The following PBX1 variants were observed in gnomAD, a reference collection of about 807,000 sequenced individuals.
PBX1 encodes the protein PBX homeobox 1.
In PBX1, 6 loss-of-function variants were observed where a neutral mutation model predicts 53.4. The observed-to-expected ratio is 0.11, with a 90% CI of 0.06 to 0.22. The LOEUF is 0.22. PBX1 is among the 10% of genes least tolerant of loss of function. PBX1 has a pLI of 1.00. For synonymous variants in PBX1, 204 were observed against 212.3 expected, an observed-to-expected ratio of 0.96 and a Z score of 0.34; for missense variants, 251 against 551.4, an observed-to-expected ratio of 0.46 and a Z score of 5.46.
chr1:164,796,876 G>A (rs1213764096), intron 3 of PBX1, among the ~76,000 whole-genome samples: 1 of 152,234 alleles, frequency 6.6e-6, no homozygotes, highest in African/African-American at 2.4e-5. Flanking sequence ...GTAACCCCAA[G>A]TATTCACATT....
chr1:164,726,692 C>G (rs950403623), intron 2 of PBX1, among the ~76,000 whole-genome samples: 1 of 152,104 alleles, frequency 6.6e-6, no homozygotes. Context: ...TAAGTATTTC[C>G]TATAACCTAT....
chr1:164,666,999 C>T (rs1042650156), intron 2 of PBX1, among the ~76,000 whole-genome samples: 3 of 152,146 alleles, frequency 2.0e-5, no homozygotes, highest in Admixed American at 6.5e-5. Flanking sequence ...GATTTGAACC[C>T]GAATTTGCTG....
chr1:164,679,532 C>G (rs1346129514), intron 2 of PBX1, among the ~76,000 whole-genome samples: 1 of 152,164 alleles, frequency 6.6e-6, no homozygotes, highest in Non-Finnish European at 1.5e-5. Context: ...AGACCCCTTT[C>G]GTTTGACCTT....
At chr1:164,638,655 C>T (rs538829839) in intron 2 of PBX1, among the ~76,000 whole-genome samples, 3 of 152,248 alleles carry the variant, frequency 2.0e-5, no homozygotes, top group South Asian at 2.1e-4. Flanking sequence ...TCTTTGAGGC[C>T]GGAGGAACAA....
At chr1:164,821,177 T>C (rs1177398256) in intron 7 of PBX1, among the ~76,000 whole-genome samples, 1 of 152,194 alleles carries the variant, frequency 6.6e-6, no homozygotes, top group African/African-American at 2.4e-5. Flanking sequence ...AACAGCTGTA[T>C]AGGATGACCT....
At chr1:164,602,719 A>T (rs1190343148) in intron 2 of PBX1, among the ~76,000 whole-genome samples, 2 of 152,004 alleles carry the variant, frequency 1.3e-5, no homozygotes, top group Non-Finnish European at 2.9e-5. Context: ...GAAAAAAAAA[A>T]AAAAAATGGG....
intron 2 of PBX1, among the ~76,000 whole-genome samples, chr1:164,698,236 TC>T (rs1330312984): frequency 5.9e-5 from 9 of 152,126 alleles, no homozygotes; most frequent in African/African-American, 2.2e-4. Flanking sequence ...AGAGCAAGAC[TC>T]CTACCTCTGA....
chr1:164,563,474 A>G (rs1174743821), intron 2 of PBX1, among the ~76,000 whole-genome samples, 163 bp downstream of exon 2: 2 of 152,138 alleles, frequency 1.3e-5, no homozygotes, highest in African/African-American at 4.8e-5. Context: ...TTCCTTAAAA[A>G]AAAGAATCAA....
In PBX1 at chr1:164,849,698, C is replaced by A; in HGVS notation, c.*3022C>A. On this transcript the variant is annotated 3_prime_UTR_variant, in exon 9 of 9. Transcript: ENST00000420696. ...TCCTCCCTCTGGCATGGAATTGACGCCCGTGCAGTACATTTGCCAAGTGGC... is the reference window on the plus strand; with the variant it reads ...TCCTCCCTCTGGCATGGAATTGACGACCGTGCAGTACATTTGCCAAGTGGC... 2.9e-6 allele frequency: 1 copy of A among 346,794 alleles called. No homozygotes were observed. The highest frequency in any genetic ancestry group is 5.3e-6 in the Non-Finnish European group (1 of 189,442). 21.5% of individuals were successfully genotyped at this position (346,794 alleles called of 1,614,324 possible). A position where few individuals can be genotyped will look rare whatever the true frequency, so the allele number is the denominator to read the frequency against.
At chr1:164,668,014 A>AGATCTCTCCCT (rs1660905395) in intron 2 of PBX1, among the ~76,000 whole-genome samples, 1 of 152,144 alleles carries the variant, frequency 6.6e-6, no homozygotes, top group East Asian at 1.9e-4. Flanking sequence ...TGCTATTTGC[A>AGATCTCTCCCT]GATCTCTCCC....
At chr1:164,647,162 T>C (rs1659504027) in intron 2 of PBX1, among the ~76,000 whole-genome samples, 1 of 152,224 alleles carries the variant, frequency 6.6e-6, no homozygotes, top group South Asian at 2.1e-4. Context: ...ATGCCTAGTA[T>C]GAATTATTTA....
At chr1:164,718,013 A>G (rs1055988984) in intron 2 of PBX1, among the ~76,000 whole-genome samples, 1 of 152,258 alleles carries the variant, frequency 6.6e-6, no homozygotes, top group Admixed American at 6.5e-5. Flanking sequence ...AAATGACATT[A>G]TCCCCATTTG....
At chr1:164,814,215 A>C (rs1669762153) in intron 6 of PBX1, 2 of 152,252 alleles carry the variant, frequency 1.3e-5, no homozygotes, top group Admixed American at 1.3e-4. Flanking sequence ...TAAAATGTTC[A>C]AACTTTTCAC....
At chr1:164,704,073 A>C (rs2102056465) in intron 2 of PBX1, among the ~76,000 whole-genome samples, 1 of 152,272 alleles carries the variant, frequency 6.6e-6, no homozygotes, top group East Asian at 1.9e-4. Flanking sequence ...GAAATAATTT[A>C]TTCCTGTTAG....
At chr1:164,700,270 C>T (rs1327181002) in intron 2 of PBX1, among the ~76,000 whole-genome samples, 1 of 152,150 alleles carries the variant, frequency 6.6e-6, no homozygotes, top group Non-Finnish European at 1.5e-5. Flanking sequence ...GTATTAGCAG[C>T]CTGTACATCA....
chr1:164,751,791 A>T (rs1666238580), intron 2 of PBX1, among the ~76,000 whole-genome samples: 1 of 151,812 alleles, frequency 6.6e-6, no homozygotes, highest in South Asian at 2.1e-4. Flanking sequence ...CATGTTGGCC[A>T]GGCTGATCTC....
intron 2 of PBX1, among the ~76,000 whole-genome samples, chr1:164,623,199 G>A (rs749698162): frequency 1.3e-5 from 2 of 152,074 alleles, no homozygotes; most frequent in Admixed American, 6.5e-5. Context: ...GCCCCGCCTC[G>A]TTACACACAA....
intron 2 of PBX1, among the ~76,000 whole-genome samples, chr1:164,635,037 A>G (rs1343134912): frequency 4.9e-5 from 7 of 142,102 alleles, no homozygotes; most frequent in Admixed American, 2.8e-4. Flanking sequence ...CCTTATTCTT[A>G]TAAGAGGCAA....
intron 2 of PBX1, among the ~76,000 whole-genome samples, chr1:164,880,904 C>T (rs974479736): frequency 8.5e-5 from 13 of 152,236 alleles, no homozygotes; most frequent in African/African-American, 3.1e-4. Flanking sequence ...GCCACTCATT[C>T]CAGCAGCCAT....
Sources: allele counts gnomAD v4.1 joint callset (sites outside exome capture counted in the v4.1 genomes callset), GRCh38; gene constraint gnomAD v4.1.1; transcripts MANE v1.5; gene names NCBI Gene and HGNC (gene_info 2026-07-23, HGNC 2026-07-21).